The following DPH1 variants were observed in gnomAD, a reference collection of about 807,000 sequenced individuals.
DPH1 encodes 2-(3-amino-3-carboxypropyl)histidine synthase subunit 1.
A neutral mutation model predicts 55.3 loss-of-function variants in DPH1; 59 were observed. The observed-to-expected ratio is 1.07, with a 90% CI of 0.87 to 1.33. The LOEUF (loss-of-function observed/expected upper bound fraction) is 1.33. Among genes scored for constraint, DPH1 ranks in the 40% most tolerant of loss-of-function variants. DPH1 has a pLI of 0.00. For synonymous variants in DPH1, 238 were observed against 235.5 expected, an observed-to-expected ratio of 1.01 and a Z score of -0.10; for missense variants, 628 against 584.8, an observed-to-expected ratio of 1.07 and a Z score of -0.76.
At chr17:2,041,417 A>G in intron 10 of DPH1, 64 bp from the exon 11 acceptor site, 1 of 1,560,896 alleles carries the variant, frequency 6.4e-7, no homozygotes, top group South Asian at 1.2e-5. Flanking sequence ...TGAGGACTGA[A>G]TTCAGTAATC....
At chr17:2,042,049 T>TTA (rs1314085781) in intron 12 of DPH1, 174 bp downstream of exon 12, 2 of 1,525,586 alleles carry the variant, frequency 1.3e-6, no homozygotes, top group Non-Finnish European at 1.7e-6. Flanking sequence ...CCGGGCATAA[T>TTA]GGCCGCGCAG....
Position 2,043,313 on chromosome 17 carries a change from T to C in DPH1, c.*727T>C, listed in dbSNP as rs1323840546. 2 of 597,342 alleles carry C rather than the reference T, an allele frequency of 3.3e-6. No homozygotes were observed. Among genetic ancestry groups the C allele is most frequent in the South Asian group, 2.6e-5 (1 of 38,770 alleles). 37.0% of individuals were successfully genotyped at this position (597,342 alleles called of 1,614,324 possible). A position where few individuals can be genotyped will look rare whatever the true frequency, so the allele number is the denominator to read the frequency against. On this transcript the variant is annotated 3_prime_UTR_variant, in exon 13 of 13. Coordinates refer to ENST00000263083, the MANE Select transcript of DPH1 (RefSeq NM_001383.6). ...GCACAAGGCCTTAATGGACATTGAC[T>C]TGTGAAAACGCAAACATGAATATGG...
intron 12 of DPH1, chr17:2,042,101 C>G (rs1326849220): frequency 6.4e-7 from 1 of 1,568,628 alleles, no homozygotes; most frequent in East Asian, 2.4e-5. Context: ...TCCGGCAGAG[C>G]GAGCGGGGCT....
At chr17:2,034,100 C>T (rs2067369572) in intron 3 of DPH1, among the ~76,000 whole-genome samples, 1 of 152,062 alleles carries the variant, frequency 6.6e-6, no homozygotes, top group African/African-American at 2.4e-5. Context: ...ATCCCAGTGT[C>T]TTCAAAGCTA....
chr17:2,030,147 A>G, upstream of DPH1: 1 of 1,597,956 alleles, frequency 6.3e-7, no homozygotes, highest in Non-Finnish European at 8.5e-7. Context: ...CTGTCTTTTT[A>G]GTACCACATG....
intron 2 of DPH1, 27 bp from the exon 3 acceptor site, chr17:2,033,752 C>T (rs751932094): frequency 5.3e-5 from 86 of 1,614,106 alleles, no homozygotes; most frequent in Non-Finnish European, 7.1e-5. Flanking sequence ...TAGCCCTCCA[C>T]CTCTCATGTC....
At chr17:2,042,502 C>G (rs1013763129) in intron 12 of DPH1, 103 bp from the exon 13 acceptor site, 3 of 1,413,390 alleles carry the variant, frequency 2.1e-6, no homozygotes, top group Middle Eastern at 1.9e-4. Flanking sequence ...CCTCGATTCC[C>G]TTTTTCTCTC....
Position 2,043,286 on chromosome 17 carries a change from G to A in DPH1, c.*700G>A, listed in dbSNP as rs2067580216. On this transcript the variant is annotated 3_prime_UTR_variant, in exon 13 of 13. Transcript: ENST00000263083. Reference sequence around the variant, plus strand: ...CCCTGCCCTGTACTGAAGAAAAGGGGAGCACAAGGCCTTAATGGACATTGA... The same window carrying A: ...CCCTGCCCTGTACTGAAGAAAAGGGAAGCACAAGGCCTTAATGGACATTGA... The A allele has an allele frequency of 2.8e-6, 2 of 710,478 alleles. No homozygotes were observed. The highest frequency in any genetic ancestry group is 4.5e-6 in the Non-Finnish European group (2 of 442,016). 44.0% of individuals were successfully genotyped at this position (710,478 alleles called of 1,614,324 possible).
In DPH1 at chr17:2,033,805, C is replaced by G. The variant is rs750506695; in HGVS notation, c.241C>G (p.Leu81Val). 7.4e-6 allele frequency: 12 copies of G among 1,614,232 alleles called. No individual in the cohort carries two copies. The highest frequency in any genetic ancestry group is 1.0e-5 in the Non-Finnish European group (12 of 1,180,048). The stretch of plus-strand genomic sequence containing the variant: ...GGCCTTGCAAATGCCGGAAGGCCTC[C>G]TCCTCTTTGCCTGTACCATTGTGGA... ...KVALQMPEGL[L>V]LFACTIVDIL... The change falls in exon 3 of 13, where the codon CTC becomes GTC. Residue 81 changes from leucine (L) to valine (V), a missense_variant. Leu to Val is a conservative substitution (Grantham distance 32, BLOSUM62 1). Coordinates refer to ENST00000263083, the MANE Select transcript of DPH1 (RefSeq NM_001383.6).
rs372004528 is a variant in DPH1, at chr17:2,033,524, C to T, written c.81C>T (p.Arg27=). The T allele has an allele frequency of 4.3e-6, 7 of 1,614,024 alleles. No homozygotes were observed. Among genetic ancestry groups the T allele is most frequent in the South Asian group, 3.3e-5 (3 of 91,090 alleles). ...TTCTAGGTCGGGCCCCTCGGGGCCG[C>T]GTGGCCAATCAGATCCCCCCTGAGA... The part of the protein sequence containing the change: ...GPGRGRAPRG[R]VANQIPPEIL... The change falls in exon 2 of 13, where the codon CGC becomes CGT. Residue 27 remains arginine (R), a synonymous_variant. Transcript: ENST00000263083.
chr17:2,034,475 TCCCCTGCTCCTCCCTC>T (rs2067376595), intron 3 of DPH1, among the ~76,000 whole-genome samples: 1 of 49,856 alleles, frequency 2.0e-5, no homozygotes, highest in Non-Finnish European at 4.0e-5. Flanking sequence ...CCCATCGCCC[TCCCCTGCTCCTCCCTC>T]CCCCTCCCCT....
At position 2,036,345 on chromosome 17, in the gene DPH1, G is replaced by A. The variant is rs981308396; in HGVS notation, c.401-184G>A. The A allele has an allele frequency of 2.5e-5, 26 of 1,044,034 alleles. No homozygotes were observed. The highest frequency in any genetic ancestry group is 4.9e-5 in the South Asian group (3 of 61,468). 64.7% of individuals were successfully genotyped at this position (1,044,034 alleles called of 1,614,324 possible). On this transcript the variant is annotated intron_variant, in intron 4 of 12. Coordinates refer to ENST00000263083, the MANE Select transcript of DPH1 (RefSeq NM_001383.6). This position sits in a 1 kb window ranked among gnomAD's most constrained non-coding sequence, Gnocchi z 4.8. ...TTGTAGAGCAGGCTGGGCCCCGGCC[G>A]GGTGACAGAGAAGTCTGATTGAGAA...
chr17:2,041,917 G>A (rs2067536823), intron 12 of DPH1, 42 bp downstream of exon 12: 2 of 1,540,932 alleles, frequency 1.3e-6, no homozygotes, highest in Non-Finnish European at 1.7e-6. Context: ...TTTTGCCGTT[G>A]TCATGGGAAC....
In DPH1 at chr17:2,042,762, C is replaced by T. The variant is rs977881141; in HGVS notation, c.*176C>T. 6 of 1,607,518 alleles carry T rather than the reference C, an allele frequency of 3.7e-6. No homozygotes were observed. Among genetic ancestry groups the T allele is most frequent in the Admixed American group, 3.4e-5 (2 of 58,706 alleles). The stretch of plus-strand genomic sequence containing the variant: ...TGAACAGGCTGGGGCCTTTTGACGG[C>T]CTTCTTGGTTTCAGCCAAGGGGCTG... On this transcript the variant is annotated 3_prime_UTR_variant, in exon 13 of 13. Transcript: ENST00000263083.
At chr17:2,042,047 A>G (rs766512227) in intron 12 of DPH1, 172 bp downstream of exon 12, 6 of 1,523,276 alleles carry the variant, frequency 3.9e-6, no homozygotes, top group South Asian at 1.2e-5. Context: ...TGCCGGGCAT[A>G]ATGGCCGCGC....
chr17:2,035,866 T>G (rs1245028306), intron 3 of DPH1, 104 bp from the exon 4 acceptor site: 1 of 1,522,608 alleles, frequency 6.6e-7, no homozygotes, highest in East Asian at 2.3e-5. Context: ...CTGGGAGAGG[T>G]AGGGAGAGAG....
chr17:2,041,431 G>A (rs373742212), intron 10 of DPH1, 50 bp from the exon 11 acceptor site: 4 of 1,566,056 alleles, frequency 2.6e-6, no homozygotes, highest in Non-Finnish European at 3.5e-6. Context: ...AGTAATCCAG[G>A]GGCAGAAAAA....
At chr17:2,039,572 T>G in intron 6 of DPH1, 183 bp from the exon 7 acceptor site, 1 of 638,688 alleles carries the variant, frequency 1.6e-6, no homozygotes, top group Non-Finnish European at 2.8e-6. Context: ...AGAGACGGGG[T>G]TTCACTGTGT....
Position 2,042,646 on chromosome 17 carries a change from T to C in DPH1, c.*60T>C, listed in dbSNP as rs2067563802. ...GGAGCAGCCTCGAGGCTGGTGGTTT[T>C]CAGAGCAGGAGGCCGACGTTTTCTC... On this transcript the variant is annotated 3_prime_UTR_variant, in exon 13 of 13. Coordinates refer to ENST00000263083, the MANE Select transcript of DPH1 (RefSeq NM_001383.6). 1 of 1,522,098 alleles carries C rather than the reference T, an allele frequency of 6.6e-7. No individual in the cohort carries two copies. The allele number at this position is 1,522,098 out of a possible 1,614,324, so 94.3% of individuals were successfully genotyped here. A position where few individuals can be genotyped will look rare whatever the true frequency, so the allele number is the denominator to read the frequency against.
Sources: gnomAD v4.1 joint callset for allele counts (sites outside exome capture counted in the v4.1 genomes callset) on GRCh38, gnomAD v4.1.1 for gene constraint, Gnocchi (gnomAD v3.1) non-coding constraint, MANE v1.5 for transcripts, NCBI Gene and HGNC (gene_info 2026-07-23, HGNC 2026-07-21) for gene names.